The following WDR93 variants were observed in gnomAD, a reference collection of about 807,000 sequenced individuals.
WDR93 encodes the protein WD repeat domain 93.
Under a neutral mutation model 82.9 loss-of-function variants are expected in WDR93, and 73 were observed. That is an observed-to-expected ratio of 0.88 (90% CI 0.73 to 1.07). WDR93 has a LOEUF of 1.07. WDR93 is among the 50% of genes least tolerant of loss of function. WDR93 has a pLI of 0.00. For missense variants in WDR93, 738 were observed against 826.0 expected (o/e 0.89, Z 1.31); for synonymous variants, 283 against 300.1 (o/e 0.94, Z 0.59).
At chr15:89,713,124 T>TAAAA (rs77944900) in intron 5 of WDR93, among the ~76,000 whole-genome samples, 5 of 97,714 alleles carry the variant, frequency 5.1e-5, no homozygotes, top group Non-Finnish European at 1.1e-4. Flanking sequence ...AACTCCATCT[T>TAAAA]AAAAAAAAAA....
At chr15:89,691,722 AAAAAT>A (rs59373085) in intron 1 of WDR93, among the ~76,000 whole-genome samples, 8 of 150,738 alleles carry the variant, frequency 5.3e-5, no homozygotes, top group East Asian at 3.9e-4. Context: ...GCTGTCTCAA[AAAAAT>A]AAAATAAAAT....
At chr15:89,705,961 C>A (rs1484683773) in intron 4 of WDR93, among the ~76,000 whole-genome samples, 1 of 152,196 alleles carries the variant, frequency 6.6e-6, no homozygotes, top group African/African-American at 2.4e-5. Context: ...GCTGTTCCTT[C>A]TGCTTCAAAT....
At chr15:89,730,053 A>C (rs1966846417) in intron 11 of WDR93, among the ~76,000 whole-genome samples, 1 of 152,198 alleles carries the variant, frequency 6.6e-6, no homozygotes, top group Admixed American at 6.5e-5. Context: ...GGCTGGGCGC[A>C]ATGGCTCACG....
chr15:89,720,919 G>A (rs1966498276), intron 7 of WDR93, among the ~76,000 whole-genome samples: 1 of 151,670 alleles, frequency 6.6e-6, no homozygotes, highest in Admixed American at 6.6e-5. Context: ...TATTGAAAAA[G>A]GAGTCTCTAA....
At chr15:89,727,106 G>A (rs1567121324) in intron 8 of WDR93, 51 bp from the exon 9 acceptor site, 2 of 1,580,648 alleles carry the variant, frequency 1.3e-6, no homozygotes, top group Admixed American at 1.8e-5. Flanking sequence ...GGGAAAATCA[G>A]GAAAGGGGGA....
In WDR93 at chr15:89,702,134, T is replaced by C. The variant is rs1596071559; in HGVS notation, c.303+85T>C. On this transcript the variant is annotated intron_variant, in intron 2 of 16. Transcript: ENST00000268130. ...ATCCCCTGATCCAGGAAGGAATTCC[T>C]ACTAGAAAGCTGCATTCAATAAGTC... 5.6e-6 allele frequency: 8 copies of C among 1,422,162 alleles called. No individual in the cohort carries two copies. In the East Asian group the frequency reaches 1.9e-4, roughly 33 times the overall value. The allele number at this position is 1,422,162 out of a possible 1,614,324, so 88.1% of individuals were successfully genotyped here. A position where few individuals can be genotyped will look rare whatever the true frequency, so the allele number is the denominator to read the frequency against.
Position 89,737,086 on chromosome 15 carries a change from C to G in WDR93, c.1609-487C>G, listed in dbSNP as rs189026500. On this transcript the variant is annotated intron_variant, in intron 14 of 16. Coordinates refer to ENST00000268130, the MANE Select transcript of WDR93 (RefSeq NM_020212.2). ...GATTACAGGCATGAGCCATCGCGCC[C>G]GGCCAAAGGGGACTTTCTAAGGATG... 1.4e-3 allele frequency among the ~76,000 whole-genome samples: 207 copies of G among 152,296 alleles called. 1 individual carries two copies. Among genetic ancestry groups the G allele is most frequent in the African/African-American group, 4.8e-3 (200 of 41,568 alleles).
rs531054937 is a variant in WDR93, at chr15:89,737,039, C to G, written c.1609-534C>G. Among the ~76,000 whole-genome samples, 10 of 152,318 alleles carry G rather than the reference C, an allele frequency of 6.6e-5. No individual in the cohort carries two copies. The South Asian group carries it at 2.1e-3, about 32-fold the overall frequency. On this transcript the variant is annotated intron_variant, in intron 14 of 16. Coordinates refer to ENST00000268130, the MANE Select transcript of WDR93 (RefSeq NM_020212.2). Reference sequence around the variant, plus strand: ...ATCTCCTGACCTCGTGATCCGCCCACCTTGGCCTCCCAAAGTGCTGGGATT... The same window carrying G: ...ATCTCCTGACCTCGTGATCCGCCCAGCTTGGCCTCCCAAAGTGCTGGGATT...
rs145495247 is a variant in WDR93, at chr15:89,735,524, G to A, written c.1579G>A (p.Val527Met). ...GCACCTGGATAAAACCATCTGTGCCGTGGCCCCAGTCCCAGCCTTACCTGG... is the reference window on the plus strand; with the variant it reads ...GCACCTGGATAAAACCATCTGTGCCATGGCCCCAGTCCCAGCCTTACCTGG... ...VKHLDKTICAVAPVPALPGMV... is the reference protein window; with the variant it reads ...VKHLDKTICAMAPVPALPGMV... The change falls in exon 14 of 17, where the codon GTG becomes ATG. Residue 527 changes from valine (V) to methionine (M), a missense_variant. Physicochemically the swap from Val to Met is conservative, Grantham distance 21. Transcript: ENST00000268130. 378 of 1,614,106 alleles carry A rather than the reference G, an allele frequency of 2.3e-4. 3 individuals carry two copies. In the African/African-American group the frequency reaches 4.0e-3, roughly 17 times the overall value.
chr15:89,719,257 T>C (rs1226704415), intron 7 of WDR93, among the ~76,000 whole-genome samples: 1 of 152,202 alleles, frequency 6.6e-6, no homozygotes, highest in African/African-American at 2.4e-5. Flanking sequence ...TTGTCTAATT[T>C]TTAAAAATTT....
At chr15:89,716,780 C>A in intron 6 of WDR93, 131 bp from the exon 7 acceptor site, 2 of 669,106 alleles carry the variant, frequency 3.0e-6, no homozygotes, top group Non-Finnish European at 5.2e-6. Flanking sequence ...CAAATACTGG[C>A]CCTCCACATC....
chr15:89,701,522 TCTAATGTCCTTA>T (rs1473806439), intron 1 of WDR93, among the ~76,000 whole-genome samples, 173 bp from the exon 2 acceptor site: 8 of 152,202 alleles, frequency 5.3e-5, no homozygotes, highest in African/African-American at 1.9e-4. Context: ...ACCTGCCTCC[TCTAATGTCCTTA>T]CTAATATGAA....
intron 3 of WDR93, chr15:89,704,358 G>T (rs1018568526): frequency 6.6e-6 from 1 of 151,974 alleles, no homozygotes; most frequent in Non-Finnish European, 1.5e-5. Flanking sequence ...GTGTACTATG[G>T]TTATGTAAGA....
intron 1 of WDR93, among the ~76,000 whole-genome samples, chr15:89,696,852 A>T (rs78333991): frequency 0.015 from 2,260 of 152,276 alleles, 63 homozygotes; most frequent in African/African-American, 0.052. Context: ...TAACTTTATA[A>T]GACACTGTCA....
chr15:89,714,772 G>A (rs1966165166), intron 5 of WDR93, among the ~76,000 whole-genome samples: 2 of 152,140 alleles, frequency 1.3e-5, no homozygotes, highest in African/African-American at 4.8e-5. Flanking sequence ...TGGGTTGAGG[G>A]GATAACTCTC....
In WDR93 at chr15:89,701,973, A is replaced by T. The variant is rs776549113; in HGVS notation, c.227A>T (p.Glu76Val). 4 of 1,613,848 alleles carry T rather than the reference A, an allele frequency of 2.5e-6. No homozygotes were observed. The highest frequency in any genetic ancestry group is 8.5e-7 in the Non-Finnish European group (1 of 1,180,022). Residue 76 changes from glutamate to valine, a missense_variant, in exon 2 of 17, where the codon GAA (glutamate) becomes GTA (valine). By Grantham distance (121) the Glu-to-Val change is moderately radical (BLOSUM62 -2). Coordinates refer to ENST00000268130, the MANE Select transcript of WDR93 (RefSeq NM_020212.2). ...LLFDQSWEII[E>V]ERNALREAES... is the part of the protein sequence containing the mutation. ...TTTGACCAGTCTTGGGAAATTATTG[A>T]AGAGAGAAACGCACTGAGGGAAGCT... is the stretch of plus-strand genomic sequence containing the variant.
At chr15:89,718,943 A>G (rs917814623) in intron 7 of WDR93, among the ~76,000 whole-genome samples, 1 of 152,156 alleles carries the variant, frequency 6.6e-6, no homozygotes, top group Admixed American at 6.5e-5. Flanking sequence ...CTAGATCTTT[A>G]GTGTGTATTT....
intron 6 of WDR93, among the ~76,000 whole-genome samples, chr15:89,715,830 C>T (rs571088696): frequency 1.8e-3 from 280 of 152,216 alleles, no homozygotes; most frequent in African/African-American, 6.5e-3. Context: ...GTGATGTGCC[C>T]GCCTCGGCCT....
chr15:89,727,095 G>C (rs764154643), intron 8 of WDR93, 62 bp from the exon 9 acceptor site: 2 of 1,555,178 alleles, frequency 1.3e-6, no homozygotes, highest in Non-Finnish European at 1.8e-6. Flanking sequence ...GGAAGAAGTA[G>C]GGGAAAATCA....
Sources: allele counts gnomAD v4.1 joint callset (sites outside exome capture counted in the v4.1 genomes callset), GRCh38; gene constraint gnomAD v4.1.1; transcripts MANE v1.5; gene names NCBI Gene and HGNC (gene_info 2026-07-23, HGNC 2026-07-21).